Variants in TSPAN9 observed in about 807,000 individuals in gnomAD.
TSPAN9 encodes tetraspanin-9.
A neutral mutation model predicts 31.0 loss-of-function variants in TSPAN9; 16 were observed. The ratio of observed to expected loss-of-function variants is 0.52; its 90% CI spans 0.35 to 0.78. The LOEUF (loss-of-function observed/expected upper bound fraction) is 0.78, where lower values mean the gene tolerates loss of function less well. TSPAN9 is among the 30% of genes least tolerant of loss of function. The pLI is 0.01. For missense variants in TSPAN9, 272 were observed against 312.5 expected, an observed-to-expected ratio of 0.87 and a Z score of 0.98; for synonymous variants, 145 against 121.6, an observed-to-expected ratio of 1.19 and a Z score of -1.27.
At chr12:3,221,590 C>G (rs1417545745) in intron 3 of TSPAN9, among the ~76,000 whole-genome samples, 1 of 152,154 alleles carries the variant, frequency 6.6e-6, no homozygotes, top group Non-Finnish European at 1.5e-5. Flanking sequence ...AACTCCTGAC[C>G]TCAGGTGATC....
At chr12:3,179,590 C>T (rs2098357658) in intron 2 of TSPAN9, among the ~76,000 whole-genome samples, 1 of 152,126 alleles carries the variant, frequency 6.6e-6, no homozygotes, top group African/African-American at 2.4e-5. Context: ...AAGATATTGG[C>T]TTGGTTTACA....
chr12:3,098,166 G>C (rs1333795495), intron 2 of TSPAN9, among the ~76,000 whole-genome samples: 1 of 152,230 alleles, frequency 6.6e-6, no homozygotes, highest in African/African-American at 2.4e-5. Context: ...GTCATTTCTT[G>C]GTGCCTCAGA....
At chr12:3,258,725 A>T (rs918984207) in intron 3 of TSPAN9, among the ~76,000 whole-genome samples, 7 of 152,168 alleles carry the variant, frequency 4.6e-5, no homozygotes, top group Non-Finnish European at 1.0e-4. Context: ...CCGGCTCCCA[A>T]GATCTTCTCC....
chr12:3,182,640 C>T (rs527662806), intron 2 of TSPAN9, among the ~76,000 whole-genome samples: 25 of 152,314 alleles, frequency 1.6e-4, no homozygotes, highest in African/African-American at 5.8e-4. Flanking sequence ...TCTCTTGCAG[C>T]TGACAGGTCT....
rs1468468076 is a variant in TSPAN9, at chr12:3,285,375, C to G, written c.*2259C>G. ...GGAGATGTGCAACCTCCCTGAAAAT[C>G]TTTTCTGTTTCTGGAGTACTTCAGG... On this transcript the variant is annotated 3_prime_UTR_variant, in exon 9 of 9. Transcript: ENST00000011898. 2.0e-5 allele frequency: 3 copies of G among 152,210 alleles called. No individual in the cohort carries two copies. The highest frequency in any genetic ancestry group is 6.5e-5 in the Admixed American group (1 of 15,278). 9.4% of individuals were successfully genotyped at this position (152,210 alleles called of 1,614,324 possible).
rs1227632964 is a variant in TSPAN9 at position 3,095,496 on chromosome 12, G to A, written c.-18+11777G>A. Among the ~76,000 whole-genome samples, 14 of 92,588 alleles carry A rather than the reference G, an allele frequency of 1.5e-4. 1 individual carries two copies. The highest frequency in any genetic ancestry group is 4.1e-4 in the South Asian group (1 of 2,436). The allele number at this position is 92,588 out of a possible 152,430, so 60.7% of individuals were successfully genotyped here. A position where few individuals can be genotyped will look rare whatever the true frequency, so the allele number is the denominator to read the frequency against. On this transcript the variant is annotated intron_variant, in intron 2 of 8. Transcript: ENST00000011898. ...CCGGACGGGGCGGCTGGCCGGGCGG[G>A]GGACTGACCCCCCCCCACCTCCCTC... is the stretch of plus-strand genomic sequence containing the variant.
chr12:3,085,519 GGCTTTGGTTTT>G (rs1331823610), intron 2 of TSPAN9, among the ~76,000 whole-genome samples: 2 of 152,086 alleles, frequency 1.3e-5, no homozygotes, highest in Non-Finnish European at 2.9e-5. Context: ...GGCTCCAGGG[GGCTTTGGTTTT>G]GCATTTCTCG....
chr12:3,130,144 T>TC (rs1310634148), intron 2 of TSPAN9, among the ~76,000 whole-genome samples: 4 of 152,014 alleles, frequency 2.6e-5, no homozygotes, highest in African/African-American at 9.7e-5. Context: ...TACTTCCGCT[T>TC]CCCCCGGTGG....
chr12:3,255,929 G>A lies in TSPAN9; in HGVS notation c.64-22492G>A, dbSNP rs528079442. On this transcript the variant is annotated intron_variant, in intron 3 of 8. Transcript: ENST00000011898. ...CTGGTGTGGGAGGTCCCAGTAATCA[G>A]GATGTATGCTTGTGAGTTTTCTTGA... Among the ~76,000 whole-genome samples the A allele has an allele frequency of 2.4e-4, 37 of 152,330 alleles. 1 individual carries two copies. Among genetic ancestry groups the A allele is most frequent in the Middle Eastern group, 6.8e-3 (2 of 294 alleles).
Position 3,143,034 on chromosome 12 carries a change from C to G in TSPAN9, c.-17-58143C>G, listed in dbSNP as rs971730247. 2.0e-5 allele frequency among the ~76,000 whole-genome samples: 3 copies of G among 152,010 alleles called. No individual in the cohort carries two copies. Among genetic ancestry groups the G allele is most frequent in the Non-Finnish European group, 2.9e-5 (2 of 68,018 alleles). ...TGCAGGACGGTTTTTCACTCTGGCT[C>G]TGTCTGGCATTTTCTCATGGTTAGA... On this transcript the variant is annotated intron_variant, in intron 2 of 8. Transcript: ENST00000011898. This position sits in a 1 kb window ranked among gnomAD's most constrained non-coding sequence, Gnocchi z 4.2.
At chr12:3,211,617 T>C (rs2098378766) in intron 3 of TSPAN9, 2 of 1,158,628 alleles carry the variant, frequency 1.7e-6, no homozygotes, top group African/African-American at 3.1e-5. Flanking sequence ...TTATCCAAAA[T>C]GTGTTTATTG....
At chr12:3,196,483 T>C (rs1283282771) in intron 2 of TSPAN9, among the ~76,000 whole-genome samples, 1 of 152,224 alleles carries the variant, frequency 6.6e-6, no homozygotes, top group African/African-American at 2.4e-5. Context: ...GGCTGTGAAA[T>C]CAGTTTTCTT....
intron 3 of TSPAN9, among the ~76,000 whole-genome samples, chr12:3,267,123 C>T (rs958679775): frequency 6.6e-6 from 1 of 152,188 alleles, no homozygotes; most frequent in Non-Finnish European, 1.5e-5. Context: ...TCTGGGGGCA[C>T]CTCCTTTCCC....
intron 3 of TSPAN9, among the ~76,000 whole-genome samples, chr12:3,203,072 C>T (rs564954692): frequency 1.3e-5 from 2 of 152,278 alleles, no homozygotes; most frequent in Admixed American, 6.5e-5. Flanking sequence ...TTTGTCCCAC[C>T]CTGCCTATAT....
In TSPAN9 at chr12:3,283,207, T is replaced by G. The variant is rs1240908861; in HGVS notation, c.*91T>G. On this transcript the variant is annotated 3_prime_UTR_variant, in exon 9 of 9. Coordinates refer to ENST00000011898, the MANE Select transcript of TSPAN9 (RefSeq NM_006675.5). ...GTCACCTGCCTGCGCTCTCCAGATA[T>G]GACCCCTGCACCCACCCCCCACAGC... 2.1e-6 allele frequency: 3 copies of G among 1,398,186 alleles called. No homozygotes were observed. Among genetic ancestry groups the G allele is most frequent in the Non-Finnish European group, 3.0e-6 (3 of 1,009,204 alleles). The allele number at this position is 1,398,186 out of a possible 1,614,324, so 86.6% of individuals were successfully genotyped here.
intron 2 of TSPAN9, among the ~76,000 whole-genome samples, chr12:3,093,530 C>T (rs1457630322): frequency 6.6e-6 from 1 of 152,172 alleles, no homozygotes; most frequent in Non-Finnish European, 1.5e-5. Context: ...TACCTCATGC[C>T]ACCTCCAACC....
In TSPAN9 at chr12:3,147,080, A is replaced by C. The variant is rs186068941; in HGVS notation, c.-17-54097A>C. On this transcript the variant is annotated intron_variant, in intron 2 of 8. Coordinates refer to ENST00000011898, the MANE Select transcript of TSPAN9 (RefSeq NM_006675.5). The surrounding 1 kb of genome is among the most constrained non-coding windows in gnomAD (Gnocchi z 4.3). Reference sequence around the variant, plus strand: ...ACCTTGATTTTAAGGTGTTTGATTAAAACTAGCATTCTCTCCCCTTTTCTC... The same window carrying C: ...ACCTTGATTTTAAGGTGTTTGATTACAACTAGCATTCTCTCCCCTTTTCTC... Among the ~76,000 whole-genome samples the C allele has an allele frequency of 2.8e-3, 425 of 152,142 alleles. 3 individuals carry two copies. Among genetic ancestry groups the C allele is most frequent in the South Asian group, 3.7e-3 (18 of 4,818 alleles).
At chr12:3,224,211 C>A (rs3782820) in intron 3 of TSPAN9, among the ~76,000 whole-genome samples, 8,976 of 152,308 alleles carry the variant, frequency 0.059, 352 homozygotes, top group Middle Eastern at 0.078. Flanking sequence ...GCCCTTCCAT[C>A]TCTCTGTGTA....
At chr12:3,182,733 G>A (rs1443460292) in intron 2 of TSPAN9, among the ~76,000 whole-genome samples, 3 of 152,208 alleles carry the variant, frequency 2.0e-5, no homozygotes, top group Admixed American at 2.0e-4. Context: ...GTGGGAGGAA[G>A]TTGTGTGTTG....
Sources: allele counts gnomAD v4.1 joint callset (sites outside exome capture counted in the v4.1 genomes callset), GRCh38; gene constraint gnomAD v4.1.1; non-coding constraint Gnocchi (gnomAD v3.1); transcripts MANE v1.5; gene names NCBI Gene and HGNC (gene_info 2026-07-23, HGNC 2026-07-21).